COL9A3: variants seen among roughly 807,000 people sequenced by gnomAD.
COL9A3 encodes the protein collagen alpha-3(IX) chain.
Under a neutral mutation model 110.2 loss-of-function variants are expected in COL9A3, and 82 were observed. The ratio of observed to expected loss-of-function variants is 0.74; its 90% CI spans 0.62 to 0.89. The LOEUF is 0.89. Ranked by LOEUF, COL9A3 falls within the 40% of genes least tolerant of loss-of-function variation. The pLI, the probability that COL9A3 is intolerant of heterozygous loss-of-function variation, is 0.00. For synonymous variants in COL9A3, 494 were observed against 403.8 expected (o/e 1.22, Z -2.68); for missense variants, 1,066 against 981.3 (o/e 1.09, Z -1.15).
Position 62,826,802 on chromosome 20 carries a change from A to G in COL9A3, c.774A>G (p.Pro258=). The G allele has an allele frequency of 6.2e-7, 1 of 1,612,780 alleles. No homozygotes were observed. The highest frequency in any genetic ancestry group is 8.5e-7 in the Non-Finnish European group (1 of 1,179,922). ...PIGFRGPPGI[P]GAPGKAGDRG... ...GGTTCCGAGGGCCGCCTGGGATCCC[A>G]GGAGCGCCTGGGAAAGCGGTACGTG... Residue 258 remains proline (P), a synonymous_variant, in exon 15 of 32, where the codon CCA becomes CCG. Coordinates refer to ENST00000649368, the MANE Select transcript of COL9A3 (RefSeq NM_001853.4).
Position 62,829,642 on chromosome 20 carries a change from G to T in COL9A3, c.1068G>T (p.Glu356Asp). The T allele has an allele frequency of 1.9e-6, 3 of 1,609,784 alleles. No homozygotes were observed. The highest frequency in any genetic ancestry group is 1.7e-4 in the Middle Eastern group (1 of 6,040). Residue 356 changes from glutamate to aspartate, a missense_variant, in exon 21 of 32, where the codon GAG (glutamate) becomes GAT (aspartate). Coordinates refer to ENST00000649368, the MANE Select transcript of COL9A3 (RefSeq NM_001853.4). ...TTCCTCTACAGGGCAGAGCTGGGGA[G>T]CTGGGTGAGGCCGGCCCCTCTGGAG... ...GEKGERGRAG[E>D]LGEAGPSGEP...
intron 15 of COL9A3, 116 bp from the exon 16 acceptor site, chr20:62,827,125 C>A (rs1199430285): frequency 5.7e-6 from 6 of 1,056,000 alleles, no homozygotes; most frequent in Non-Finnish European, 8.7e-6. Flanking sequence ...CCCCATCCCA[C>A]TCTCTGACCA....
intron 5 of COL9A3, 105 bp downstream of exon 5, chr20:62,820,087 G>C: frequency 2.2e-6 from 3 of 1,357,490 alleles, no homozygotes; most frequent in South Asian, 2.3e-5. Context: ...TAGTTCCAAG[G>C]ACAGCTGCCC....
chr20:62,829,866 T>C (rs1325326279), intron 22 of COL9A3, 47 bp downstream of exon 22: 11 of 1,535,020 alleles, frequency 7.2e-6, no homozygotes, highest in Admixed American at 3.9e-5. Context: ...CACTGAGCCA[T>C]TGGCACATGG....
chr20:62,837,311 C>G (rs768879871), intron 30 of COL9A3, 46 bp downstream of exon 30: 5 of 1,583,172 alleles, frequency 3.2e-6, no homozygotes, highest in Non-Finnish European at 4.3e-6. Flanking sequence ...GTAAAAATCC[C>G]TGAGACTGAC....
At chr20:62,824,856 C>T (rs1339586257) in intron 11 of COL9A3, 112 bp from the exon 12 acceptor site, 12 of 1,174,468 alleles carry the variant, frequency 1.0e-5, no homozygotes, top group African/African-American at 1.5e-5. Context: ...GTCCTGTGCG[C>T]TGCCGTGTGG....
intron 19 of COL9A3, 73 bp from the exon 20 acceptor site, chr20:62,829,382 G>T (rs574917674): frequency 6.3e-7 from 1 of 1,593,558 alleles, no homozygotes; most frequent in Non-Finnish European, 8.6e-7. Flanking sequence ...CCCTGCCTGC[G>T]TGCACGCCCC....
At chr20:62,830,313 T>C (rs369085568) in intron 22 of COL9A3, 47 bp from the exon 23 acceptor site, 1 of 1,550,468 alleles carries the variant, frequency 6.4e-7, no homozygotes, top group African/African-American at 1.4e-5. Context: ...TCTTGGGGAC[T>C]CCTCGAACCC....
At chr20:62,822,338 A>G (rs909017136) in intron 9 of COL9A3, among the ~76,000 whole-genome samples, 174 bp downstream of exon 9, 2 of 152,118 alleles carry the variant, frequency 1.3e-5, no homozygotes, top group Admixed American at 6.5e-5. Flanking sequence ...AGGCCAGCCA[A>G]CTTGGGGATG....
In COL9A3 at chr20:62,820,041, T is replaced by A. The variant is rs796614788; in HGVS notation, c.309+59T>A. Reference sequence around the variant, plus strand: ...TCAGAGGTGAGGTCCCCTGGCCACCTCTGGCTGCTCTGTGTCCACAAGGCC... The same window carrying A: ...TCAGAGGTGAGGTCCCCTGGCCACCACTGGCTGCTCTGTGTCCACAAGGCC... On this transcript the variant is annotated intron_variant, in intron 5 of 31. Coordinates refer to ENST00000649368, the MANE Select transcript of COL9A3 (RefSeq NM_001853.4). 3.1e-5 allele frequency: 48 copies of A among 1,568,816 alleles called. No individual in the cohort carries two copies. In the African/African-American group the frequency reaches 5.8e-4, roughly 19 times the overall value.
intron 18 of COL9A3, 25 bp downstream of exon 18, chr20:62,828,842 CGGGA>C: frequency 6.2e-7 from 1 of 1,612,658 alleles, no homozygotes; most frequent in Non-Finnish European, 8.5e-7. Context: ...CAGGGTGTGA[CGGGA>C]GGGAGGGGGC....
intron 26 of COL9A3, 151 bp downstream of exon 26, chr20:62,833,215 G>A (rs2063610025): frequency 5.5e-6 from 4 of 721,738 alleles, no homozygotes; most frequent in Admixed American, 2.0e-5. Flanking sequence ...GAGCAGGGTC[G>A]GGCAGAGGCC....
chr20:62,824,074 CGCGCGG>C, intron 10 of COL9A3, among the ~76,000 whole-genome samples: 1 of 137,854 alleles, frequency 7.3e-6, no homozygotes, highest in African/African-American at 2.7e-5. Flanking sequence ...TCCCGACACC[CGCGCGG>C]AGTGGCCTCC....
In COL9A3 at chr20:62,836,229, C is replaced by G; in HGVS notation, c.1444C>G (p.Pro482Ala). The change falls in exon 28 of 32, where the codon CCC (proline) becomes GCC (alanine). Residue 482 changes from proline (P) to alanine (A), a missense_variant. By Grantham distance (27) the Pro-to-Ala change is conservative. Transcript: ENST00000649368. ...GELGPKGTQG[P>A]NGTSGVQGVP... ...GCTGGGCCCCAAAGGCACCCAGGGT[C>G]CCAACGGCACCAGCGGTGTTCAGGG... The G allele has an allele frequency of 6.2e-7, 1 of 1,613,696 alleles. No individual in the cohort carries two copies. The highest frequency in any genetic ancestry group is 8.5e-7 in the Non-Finnish European group (1 of 1,179,984).
chr20:62,838,370 G>A (rs927755765), intron 30 of COL9A3, among the ~76,000 whole-genome samples: 24 of 152,156 alleles, frequency 1.6e-4, no homozygotes, highest in African/African-American at 5.8e-4. Context: ...ACCTGGTGGT[G>A]GGTATCTGTG....
Position 62,837,201 on chromosome 20 carries a change from T to C in COL9A3, c.1722T>C (p.Pro574=). The C allele has an allele frequency of 6.2e-7, 1 of 1,612,482 alleles. No individual in the cohort carries two copies. Among genetic ancestry groups the C allele is most frequent in the African/African-American group, 1.3e-5 (1 of 75,030 alleles). ...GACCCCCAGGCTCCATTGGTCACCC[T>C]GGCGCTCGAGGACCCCCTGGATACC... ...PPGPPGSIGH[P]GARGPPGYRG... Residue 574 remains proline (P), a synonymous_variant, in exon 30 of 32, where the codon CCT becomes CCC. Coordinates refer to ENST00000649368, the MANE Select transcript of COL9A3 (RefSeq NM_001853.4).
chr20:62,819,737 C>T (rs1175217911), intron 4 of COL9A3, among the ~76,000 whole-genome samples, 192 bp from the exon 5 acceptor site: 31 of 152,176 alleles, frequency 2.0e-4, no homozygotes, highest in Admixed American at 2.0e-3. Context: ...CTGGCTGCCC[C>T]CTCCCTCCTC....
intron 30 of COL9A3, 36 bp downstream of exon 30, chr20:62,837,301 G>A: frequency 1.3e-6 from 2 of 1,596,558 alleles, no homozygotes; most frequent in Non-Finnish European, 1.7e-6. Flanking sequence ...TCACCCTGCT[G>A]TAAAAATCCC....
At chr20:62,836,111 G>T (rs1162033513) in intron 27 of COL9A3, 76 bp from the exon 28 acceptor site, 24 of 1,604,808 alleles carry the variant, frequency 1.5e-5, no homozygotes, top group Non-Finnish European at 2.0e-5. Flanking sequence ...CTCCGTGCCG[G>T]CTGGGAAAGA....
Sources: allele counts gnomAD v4.1 joint callset (sites outside exome capture counted in the v4.1 genomes callset), GRCh38; gene constraint gnomAD v4.1.1; transcripts MANE v1.5; gene names NCBI Gene and HGNC (gene_info 2026-07-23, HGNC 2026-07-21).